TMEM132E: variants seen among roughly 807,000 people sequenced by gnomAD.
TMEM132E encodes the protein transmembrane protein 132E.
A neutral mutation model predicts 78.5 loss-of-function variants in TMEM132E; 49 were observed. That is an observed-to-expected ratio of 0.62 (90% CI 0.50 to 0.79). The LOEUF is 0.79. Ranked by LOEUF, TMEM132E falls within the 30% of genes least tolerant of loss-of-function variation. The pLI is 0.00. For synonymous variants in TMEM132E, 715 were observed against 670.6 expected (o/e 1.07, Z -1.02); for missense variants, 1,403 against 1,470.9 (o/e 0.95, Z 0.75).
intron 1 of TMEM132E, among the ~76,000 whole-genome samples, chr17:34,617,773 TA>T (rs905645129): frequency 3.9e-5 from 6 of 152,260 alleles, no homozygotes; most frequent in East Asian, 1.9e-4. Context: ...ATTTCCTCTT[TA>T]AAAAAAATTC....
At chr17:34,625,063 A>G (rs1384776212) in intron 1 of TMEM132E, among the ~76,000 whole-genome samples, 5 of 152,138 alleles carry the variant, frequency 3.3e-5, no homozygotes, top group African/African-American at 1.2e-4. Context: ...AGGGGCAACA[A>G]TGTCTGATTT....
intron 8 of TMEM132E, among the ~76,000 whole-genome samples, chr17:34,636,456 G>C (rs1235326314): frequency 2.0e-5 from 3 of 152,150 alleles, no homozygotes; most frequent in South Asian, 2.1e-4. Flanking sequence ...ACAGAGGGCT[G>C]TCACCTCCAC....
chr17:34,627,108 A>G, intron 2 of TMEM132E, 51 bp downstream of exon 2: 1 of 1,456,586 alleles, frequency 6.9e-7, no homozygotes, highest in South Asian at 1.1e-5. Context: ...GATCAAATGC[A>G]TACCTGACTC....
At position 34,597,509 on chromosome 17, in the gene TMEM132E, C is replaced by T. The variant is rs1218654963; in HGVS notation, c.67+16366C>T. ...AGGTTTCCTGAACACCGACTGTGTG[C>T]CAGACACTGACTGGATATGTGTCCT... is the stretch of plus-strand genomic sequence containing the variant. On this transcript the variant is annotated intron_variant, in intron 1 of 8. Transcript: ENST00000631683. Among the ~76,000 whole-genome samples, 8 of 152,184 alleles carry T rather than the reference C, an allele frequency of 5.3e-5. No individual in the cohort carries two copies. The South Asian group carries it at 1.7e-3, about 31-fold the overall frequency.
At chr17:34,582,892 C>T (rs1311171410) in intron 1 of TMEM132E, among the ~76,000 whole-genome samples, 2 of 152,206 alleles carry the variant, frequency 1.3e-5, no homozygotes, top group Non-Finnish European at 2.9e-5. Context: ...TCACCTCAAA[C>T]GCTGATGATG....
intron 2 of TMEM132E, among the ~76,000 whole-genome samples, chr17:34,627,467 C>CTGTGTGT (rs3221613): frequency 7.9e-6 from 1 of 126,470 alleles, no homozygotes; most frequent in South Asian, 2.6e-4. Flanking sequence ...CCAAAAGAAT[C>CTGTGTGT]GTGTGTGTGT....
intron 1 of TMEM132E, among the ~76,000 whole-genome samples, chr17:34,604,915 A>G (rs1419225300): frequency 6.6e-6 from 1 of 152,228 alleles, no homozygotes; most frequent in Admixed American, 6.5e-5. Context: ...GCTGAGGCTC[A>G]GCAAGGTTAA....
At chr17:34,635,121 A>C in intron 7 of TMEM132E, 34 bp downstream of exon 7, 1 of 1,557,256 alleles carries the variant, frequency 6.4e-7, no homozygotes, top group Non-Finnish European at 8.7e-7. Flanking sequence ...ACAAAGGGGC[A>C]GTGTCGGGAG....
intron 1 of TMEM132E, among the ~76,000 whole-genome samples, chr17:34,609,176 G>A (rs1007070005): frequency 6.6e-6 from 1 of 152,204 alleles, no homozygotes; most frequent in Non-Finnish European, 1.5e-5. Context: ...GGGGGTGTCT[G>A]AAGAAGGTCT....
intron 1 of TMEM132E, among the ~76,000 whole-genome samples, chr17:34,611,413 T>C (rs1906589389): frequency 6.6e-6 from 1 of 152,196 alleles, no homozygotes; most frequent in African/African-American, 2.4e-5. Flanking sequence ...TTTTCTCCTC[T>C]CTGGACCTTA....
chr17:34,593,052 A>G (rs1905930047), intron 1 of TMEM132E, among the ~76,000 whole-genome samples: 1 of 152,240 alleles, frequency 6.6e-6, no homozygotes, highest in South Asian at 2.1e-4. Flanking sequence ...GTGAAAAGAA[A>G]CAGGTGGAAT....
intron 1 of TMEM132E, among the ~76,000 whole-genome samples, chr17:34,615,388 G>A (rs1906743667): frequency 6.6e-6 from 1 of 152,104 alleles, no homozygotes; most frequent in African/African-American, 2.4e-5. Context: ...TCTCAAAGAT[G>A]AGGAAGTCAC....
At chr17:34,599,326 CA>C (rs560163518) in intron 1 of TMEM132E, among the ~76,000 whole-genome samples, 213 of 152,350 alleles carry the variant, frequency 1.4e-3, no homozygotes, top group Non-Finnish European at 2.7e-3. Context: ...TAATGCTGCT[CA>C]ACCCCCACTG....
At chr17:34,583,255 T>C (rs777836162) in intron 1 of TMEM132E, among the ~76,000 whole-genome samples, 12 of 152,366 alleles carry the variant, frequency 7.9e-5, no homozygotes, top group Non-Finnish European at 1.3e-4. Context: ...AGGTAGGGTC[T>C]GAATCGCCCT....
intron 1 of TMEM132E, among the ~76,000 whole-genome samples, chr17:34,596,972 C>T (rs1477163061): frequency 6.6e-6 from 1 of 152,086 alleles, no homozygotes; most frequent in South Asian, 2.1e-4. Context: ...TCCATCCCAC[C>T]GAGCATCCAG....
chr17:34,591,185 C>A (rs940778801), intron 1 of TMEM132E, among the ~76,000 whole-genome samples: 2 of 152,178 alleles, frequency 1.3e-5, no homozygotes, highest in Non-Finnish European at 2.9e-5. Flanking sequence ...AAGGGACATG[C>A]CTGTGACTTC....
At position 34,632,690 on chromosome 17, in the gene TMEM132E, C is replaced by T. The variant is rs777423026; in HGVS notation, c.1483-14C>T. 8 of 1,614,074 alleles carry T rather than the reference C, an allele frequency of 5.0e-6. No individual in the cohort carries two copies. Among genetic ancestry groups the T allele is most frequent in the African/African-American group, 1.3e-5 (1 of 75,062 alleles). ...TGTAGGGAAGATGTGCCAACTGTTC[C>T]TCCCTTCCCCCAGGTATCCAGCAGC... On this transcript the variant is annotated splice_polypyrimidine_tract_variant and intron_variant, in intron 5 of 8. Coordinates refer to ENST00000631683, the MANE Select transcript of TMEM132E (RefSeq NM_001304438.2).
chr17:34,630,773 G>T, intron 5 of TMEM132E, among the ~76,000 whole-genome samples: 1 of 152,230 alleles, frequency 6.6e-6, no homozygotes, highest in Non-Finnish European at 1.5e-5. Flanking sequence ...CCTGTCAGCC[G>T]TGAGCTCCCA....
intron 1 of TMEM132E, among the ~76,000 whole-genome samples, chr17:34,581,862 G>A (rs1905497041): frequency 2.0e-5 from 3 of 152,094 alleles, no homozygotes; most frequent in Admixed American, 6.5e-5. Context: ...GGTAAAGGGG[G>A]TGGGAGAAGG....
Sources: gnomAD v4.1 joint callset for allele counts (sites outside exome capture counted in the v4.1 genomes callset) on GRCh38, gnomAD v4.1.1 for gene constraint, MANE v1.5 for transcripts, NCBI Gene and HGNC (gene_info 2026-07-23, HGNC 2026-07-21) for gene names.